Variants in PEAR1 observed in about 807,000 individuals in gnomAD.
The protein encoded by PEAR1 is platelet endothelial aggregation receptor 1.
In PEAR1, 113 loss-of-function variants were observed where a neutral mutation model predicts 131.2. That is an observed-to-expected ratio of 0.86 (90% CI 0.74 to 1.01). The LOEUF is 1.01. Among genes scored for constraint, PEAR1 ranks in the 50% least tolerant of loss-of-function variants. PEAR1 has a pLI of 0.00. For missense variants in PEAR1, 1,408 were observed against 1,391.1 expected, an observed-to-expected ratio of 1.01 and a Z score of -0.19; for synonymous variants, 565 against 523.3, an observed-to-expected ratio of 1.08 and a Z score of -1.09.
At position 156,914,010 on chromosome 1, in the gene PEAR1, C is replaced by G. The variant is rs894710843; in HGVS notation, c.2872C>G (p.Pro958Ala). 2 of 1,612,714 alleles carry G rather than the reference C, an allele frequency of 1.2e-6. No individual in the cohort carries two copies. Among genetic ancestry groups the G allele is most frequent in the Admixed American group, 3.3e-5 (2 of 59,870 alleles). Residue 958 changes from proline (P) to alanine (A), a missense_variant, in exon 22 of 23, where the codon CCT (proline) becomes GCT (alanine). Transcript: ENST00000292357. ...GPPSGSPPRQ[P>A]PQFWDSQRRR... ...TCCCTCAGGATCTCCCCCCAGGCAG[C>G]CTCCTCAGTTCTGGGACAGCCAGAG...
chr1:156,908,962 ACTG>A lies in PEAR1; in HGVS notation c.1338_1340del (p.Cys447del), dbSNP rs545070504. The A allele has an allele frequency of 3.7e-6, 6 of 1,614,018 alleles. No individual in the cohort carries two copies. In the South Asian group the frequency reaches 6.6e-5, roughly 18 times the overall value. ...TGTCCTCCTGACACCTACGGTGTCAACTGTTCTGCACGCTGCTCATGTGAAAAT... is the reference window on the plus strand; with the variant it reads ...TGTCCTCCTGACACCTACGGTGTCAATTCTGCACGCTGCTCATGTGAAAAT... On this transcript the variant is annotated inframe_deletion, in exon 11 of 23. Transcript: ENST00000292357. This position sits in a 1 kb window ranked among gnomAD's most constrained non-coding sequence, Gnocchi z 4.2.
rs1303932010 is a variant in PEAR1, at chr1:156,912,799, A to G, written c.2239A>G (p.Thr747Ala). The G allele has an allele frequency of 1.2e-6, 2 of 1,614,160 alleles. No homozygotes were observed. The highest frequency in any genetic ancestry group is 2.2e-5 in the East Asian group (1 of 44,884). Residue 747 changes from threonine to alanine, a missense_variant, in exon 18 of 23, where the codon ACC (threonine) becomes GCC (alanine). By Grantham distance (58) the Thr-to-Ala change is moderately conservative (BLOSUM62 0). Coordinates refer to ENST00000292357, the MANE Select transcript of PEAR1 (RefSeq NM_001080471.3). ...GIQEPFTVMP[T>A]TPVAYNSLGA... ...CCAGGAGCCCTTTACTGTGATGCCG[A>G]CCACTCCAGTAGCGTATAACTCGCT...
chr1:156,898,220 C>A (rs867169754), intron 1 of PEAR1, among the ~76,000 whole-genome samples: 98 of 152,312 alleles, frequency 6.4e-4, no homozygotes, highest in African/African-American at 2.3e-3. Context: ...GCACTGGCAA[C>A]ACCCTCTGGG....
At chr1:156,904,054 G>A in intron 2 of PEAR1, 27 bp downstream of exon 2, 1 of 1,584,848 alleles carries the variant, frequency 6.3e-7, no homozygotes, top group South Asian at 1.1e-5. Context: ...TGCACCTTGA[G>A]GGCACCAAGC....
Position 156,913,768 on chromosome 1 carries a change from C to T in PEAR1, c.2713+8C>T, listed in dbSNP as rs745700639. The T allele has an allele frequency of 1.9e-6, 3 of 1,613,524 alleles. No individual in the cohort carries two copies. Among genetic ancestry groups the T allele is most frequent in the East Asian group, 2.2e-5 (1 of 44,870 alleles). ...GCCCATTCTACAATAAAGGTATGGG[C>T]ACAGGGGCAACAAGGGAGGTGGCTG... On this transcript the variant is annotated splice_region_variant and intron_variant, in intron 21 of 22. Transcript: ENST00000292357.
chr1:156,913,592 T>A (rs1651525874), intron 20 of PEAR1, 69 bp downstream of exon 20: 4 of 1,602,604 alleles, frequency 2.5e-6, no homozygotes, highest in Non-Finnish European at 3.4e-6. Context: ...CGTCTGAGTG[T>A]GTGTGTCTGG....
chr1:156,908,220 G>T lies in PEAR1; in HGVS notation c.995G>T (p.Gly332Val). 6.2e-7 allele frequency: 1 copy of T among 1,602,634 alleles called. No individual in the cohort carries two copies. Among genetic ancestry groups the T allele is most frequent in the East Asian group, 2.2e-5 (1 of 44,710 alleles). Residue 332 changes from glycine to valine, a missense_variant, in exon 9 of 23, where the codon GGC becomes GTC. Transcript: ENST00000292357. The surrounding 1 kb of genome is among the most constrained non-coding windows in gnomAD (Gnocchi z 4.2). ...GACGCCCGTTGCTTCCCGGCCAACG[G>T]CGCATGTCTGTGCGAACACGGCTTC... ...APDARCFPAN[G>V]ACLCEHGFTG...
intron 15 of PEAR1, among the ~76,000 whole-genome samples, chr1:156,911,220 CCTTTCTTT>C (rs774819741): frequency 2.8e-5 from 3 of 106,732 alleles, no homozygotes; most frequent in Non-Finnish European, 3.9e-5. Flanking sequence ...TTCTTTCTTT[CCTTTCTTT>C]CTTTCTTTTC....
chr1:156,899,893 G>A (rs954437500), intron 1 of PEAR1, among the ~76,000 whole-genome samples: 1 of 152,102 alleles, frequency 6.6e-6, no homozygotes, highest in African/African-American at 2.4e-5. Context: ...GGGAGCCCGT[G>A]GGGAAGTCCC....
rs869225857 is a variant in PEAR1, at chr1:156,905,080, G to GT, written c.206+230dup. The GT allele has an allele frequency of 1.2e-5, 15 of 1,292,876 alleles. No homozygotes were observed. In the Admixed American group the frequency reaches 2.5e-4, roughly 22 times the overall value. 80.1% of individuals were successfully genotyped at this position (1,292,876 alleles called of 1,614,324 possible). On this transcript the variant is annotated intron_variant, in intron 3 of 22. Transcript: ENST00000292357. ...GCATGTTACAGTATATGCCTGTGGG[G>GT]TTGGGGGGGGGGCAAGAAGGGAATG...
rs1382240321 is a variant in PEAR1, at chr1:156,912,487, TCC to T, written c.2081-4_2081-3del. 2 of 1,610,774 alleles carry T rather than the reference TCC, an allele frequency of 1.2e-6. No individual in the cohort carries two copies. Among genetic ancestry groups the T allele is most frequent in the African/African-American group, 2.7e-5 (2 of 74,764 alleles). On this transcript the variant is annotated splice_region_variant and splice_polypyrimidine_tract_variant and intron_variant, in intron 16 of 22. Transcript: ENST00000292357. ...ATGCCGGCCTGCCTCCTTGGCTGTCTCCCCAGGCTGCCCTCTGGGGACATTTG... is the reference window on the plus strand; with the variant it reads ...ATGCCGGCCTGCCTCCTTGGCTGTCTCCAGGCTGCCCTCTGGGGACATTTG...
intron 4 of PEAR1, 86 bp downstream of exon 4, chr1:156,905,510 C>G: frequency 8.2e-7 from 1 of 1,218,390 alleles, no homozygotes; most frequent in Non-Finnish European, 1.1e-6. Flanking sequence ...TCCCGGCCCC[C>G]GCTAGAATGG....
chr1:156,897,542 G>A (rs961206051), intron 1 of PEAR1, among the ~76,000 whole-genome samples: 3 of 152,232 alleles, frequency 2.0e-5, no homozygotes, highest in African/African-American at 4.8e-5. Context: ...GTTTGGGGAG[G>A]TGTGGAGCCT....
chr1:156,900,705 G>A (rs1258580263), intron 1 of PEAR1, among the ~76,000 whole-genome samples: 2 of 152,158 alleles, frequency 1.3e-5, no homozygotes, highest in East Asian at 1.9e-4. Context: ...TCAAACCAGA[G>A]GCTTGGAGGG....
At chr1:156,894,243 C>T (rs1275144090) in intron 1 of PEAR1, among the ~76,000 whole-genome samples, 1 of 152,156 alleles carries the variant, frequency 6.6e-6, no homozygotes, top group African/African-American at 2.4e-5. Flanking sequence ...ACACTGGAGC[C>T]AAGACTGCCT....
Position 156,913,707 on chromosome 1 carries a change from A to G in PEAR1, c.2660A>G (p.Asp887Gly). The G allele has an allele frequency of 6.2e-7, 1 of 1,613,970 alleles. No individual in the cohort carries two copies. Among genetic ancestry groups the G allele is most frequent in the Non-Finnish European group, 8.5e-7 (1 of 1,179,990 alleles). The change falls in exon 21 of 23, where the codon GAC becomes GGC. Residue 887 changes from aspartate (D) to glycine (G), a missense_variant. Transcript: ENST00000292357. The stretch of plus-strand genomic sequence containing the variant: ...TCCTCCTCAGGGAGCAGCCGCCTGG[A>G]CCGAAGCTACAGCTATAGCTACAGC... Reference protein sequence around the residue: ...GPLDRGSSRLDRSYSYSYSNG... With the variant: ...GPLDRGSSRLGRSYSYSYSNG...
intron 15 of PEAR1, among the ~76,000 whole-genome samples, chr1:156,911,041 CTTTCTT>C (rs775829643): frequency 2.9e-5 from 2 of 68,816 alleles, no homozygotes; most frequent in Admixed American, 3.0e-4. Context: ...ATTTCTTTTT[CTTTCTT>C]TCTTTCTTTC....
At chr1:156,900,900 C>T (rs994087158) in intron 1 of PEAR1, among the ~76,000 whole-genome samples, 2 of 152,230 alleles carry the variant, frequency 1.3e-5, no homozygotes, top group South Asian at 4.1e-4. Context: ...ATGCAATGGG[C>T]CCATTGCTGC....
chr1:156,903,807 G>C (rs892905299), intron 1 of PEAR1, 111 bp from the exon 2 acceptor site: 1 of 831,740 alleles, frequency 1.2e-6, no homozygotes, highest in South Asian at 1.5e-5. Flanking sequence ...CAGAGGACAC[G>C]GGGCCGCAGT....
Sources: gnomAD v4.1 joint callset for allele counts (sites outside exome capture counted in the v4.1 genomes callset) on GRCh38, gnomAD v4.1.1 for gene constraint, Gnocchi (gnomAD v3.1) non-coding constraint, MANE v1.5 for transcripts, NCBI Gene and HGNC (gene_info 2026-07-23, HGNC 2026-07-21) for gene names.